The following PTPN9 variants were observed in gnomAD, a reference collection of about 807,000 sequenced individuals.
PTPN9 encodes the protein protein tyrosine phosphatase non-receptor type 9.
In PTPN9, 26 loss-of-function variants were observed where a neutral mutation model predicts 69.8. The ratio of observed to expected loss-of-function variants is 0.37; its 90% confidence interval spans 0.27 to 0.52. The LOEUF is 0.52. PTPN9 is among the 20% of genes least tolerant of loss of function. The probability of loss-of-function intolerance (pLI) is 0.91; values close to 1 mark genes in which losing one functional copy is unlikely to be tolerated. For synonymous variants in PTPN9, 274 were observed against 272.5 expected (o/e 1.01, Z -0.05); for missense variants, 549 against 740.3 (o/e 0.74, Z 3.00).
At chr15:75,568,723 G>A (rs2075136858) in intron 1 of PTPN9, among the ~76,000 whole-genome samples, 3 of 151,520 alleles carry the variant, frequency 2.0e-5, no homozygotes, top group Admixed American at 2.0e-4. Flanking sequence ...TGTAGTTCCA[G>A]CCACTATAGA....
At chr15:75,502,883 T>A (rs1273901701) in intron 7 of PTPN9, among the ~76,000 whole-genome samples, 1 of 152,206 alleles carries the variant, frequency 6.6e-6, no homozygotes, top group Non-Finnish European at 1.5e-5. Context: ...AGGGTTATCC[T>A]GTTGGTACCA....
chr15:75,521,447 G>A (rs1163103190), intron 4 of PTPN9, among the ~76,000 whole-genome samples: 2 of 151,356 alleles, frequency 1.3e-5, no homozygotes, highest in Non-Finnish European at 2.9e-5. Context: ...CCGAGACTCC[G>A]TCTCAAAGGA....
intron 7 of PTPN9, among the ~76,000 whole-genome samples, chr15:75,504,871 G>A (rs1402655656): frequency 4.6e-5 from 7 of 151,320 alleles, no homozygotes; most frequent in East Asian, 2.0e-4. Context: ...CAGCCACCCC[G>A]TCCGGGAGGT....
In PTPN9 at chr15:75,523,067, C is replaced by T. The variant is rs144593265; in HGVS notation, c.422+54G>A. On this transcript the variant is annotated intron_variant, in intron 4 of 12. Coordinates refer to ENST00000618819, the MANE Select transcript of PTPN9 (RefSeq NM_002833.4). ...CTGCTGAATTTAATCAAGTAAAAAA[C>T]TGTCACTTTCCTACCTGCATGTAGA... 247 of 1,596,142 alleles carry T rather than the reference C, an allele frequency of 1.5e-4. 1 individual carries two copies. In the East Asian group the frequency reaches 5.3e-3, roughly 34 times the overall value.
intron 1 of PTPN9, among the ~76,000 whole-genome samples, chr15:75,534,817 A>C (rs979078261): frequency 1.3e-5 from 2 of 151,632 alleles, no homozygotes; most frequent in Non-Finnish European, 2.9e-5. Flanking sequence ...TACTAAGAAA[A>C]CAAAAATTAA....
intron 1 of PTPN9, among the ~76,000 whole-genome samples, chr15:75,530,513 T>C (rs1278500454): frequency 1.2e-5 from 1 of 84,988 alleles, no homozygotes; most frequent in Non-Finnish European, 2.1e-5. Flanking sequence ...TATAATATAT[T>C]ATAATATAAT....
intron 4 of PTPN9, among the ~76,000 whole-genome samples, chr15:75,518,140 G>A (rs2074881246): frequency 6.6e-6 from 1 of 152,098 alleles, no homozygotes; most frequent in Admixed American, 6.6e-5. Context: ...GGGAGGCTAA[G>A]GATGGTGGAT....
chr15:75,575,376 A>G (rs1169217202), intron 1 of PTPN9, among the ~76,000 whole-genome samples: 2 of 152,196 alleles, frequency 1.3e-5, no homozygotes, highest in African/African-American at 2.4e-5. Flanking sequence ...CCTACTTTAA[A>G]TAAGGCTCTA....
intron 4 of PTPN9, among the ~76,000 whole-genome samples, chr15:75,519,525 G>T (rs1180105325): frequency 3.9e-5 from 6 of 152,154 alleles, no homozygotes; most frequent in African/African-American, 1.4e-4. Context: ...TTTCAAAAAT[G>T]TCTAATTCTG....
intron 1 of PTPN9, 139 bp from the exon 2 acceptor site, chr15:75,527,400 C>T (rs2074934206): frequency 1.1e-6 from 1 of 888,944 alleles, no homozygotes; most frequent in Admixed American, 2.8e-5. Context: ...GAAAGACAAA[C>T]AAAAAGGTAG....
chr15:75,493,364 A>G (rs1357226364), intron 7 of PTPN9, among the ~76,000 whole-genome samples: 1 of 152,186 alleles, frequency 6.6e-6, no homozygotes, highest in Non-Finnish European at 1.5e-5. Flanking sequence ...AGCTCTTGGA[A>G]ATTAAAAATA....
At chr15:75,490,755 G>A (rs574825747) in intron 7 of PTPN9, among the ~76,000 whole-genome samples, 1 of 152,264 alleles carries the variant, frequency 6.6e-6, no homozygotes, top group African/African-American at 2.4e-5. Context: ...CTCCTGAGTA[G>A]CTGGGACTAC....
At position 75,470,008 on chromosome 15, in the gene PTPN9, A is replaced by G; in HGVS notation, c.1360-9T>C. On this transcript the variant is annotated splice_polypyrimidine_tract_variant and intron_variant, in intron 11 of 12. Coordinates refer to ENST00000618819, the MANE Select transcript of PTPN9 (RefSeq NM_002833.4). ...TGGCGTTTCTGCCGTTCCTTAGATAAGAAAAGAAGTAAACGTTAACAAGGT... is the reference window on the plus strand; with the variant it reads ...TGGCGTTTCTGCCGTTCCTTAGATAGGAAAAGAAGTAAACGTTAACAAGGT... 1 of 1,602,118 alleles carries G rather than the reference A, an allele frequency of 6.2e-7. No individual in the cohort carries two copies. Among genetic ancestry groups the G allele is most frequent in the Non-Finnish European group, 8.6e-7 (1 of 1,169,238 alleles).
rs1265557854 is a variant in PTPN9, at chr15:75,463,640, T to C, written c.*5129A>G. ...AGGTAAAGAAGGGAGATTTAAACAT[T>C]GTAACAGGTTTCAAGGTGCTAGATT... On this transcript the variant is annotated 3_prime_UTR_variant, in exon 13 of 13. Coordinates refer to ENST00000618819, the MANE Select transcript of PTPN9 (RefSeq NM_002833.4). 1 of 152,182 alleles carries C rather than the reference T, an allele frequency of 6.6e-6. No individual in the cohort carries two copies. Among genetic ancestry groups the C allele is most frequent in the Non-Finnish European group, 1.5e-5 (1 of 68,042 alleles). The allele number at this position is 152,182 out of a possible 1,614,324, so 9.4% of individuals were successfully genotyped here.
intron 1 of PTPN9, among the ~76,000 whole-genome samples, chr15:75,546,272 A>AC (rs779249319): frequency 8.5e-5 from 13 of 152,252 alleles, no homozygotes; most frequent in Non-Finnish European, 1.8e-4. Context: ...ACCCCTTCAA[A>AC]CTTCTCAATA....
At chr15:75,470,128 T>A (rs1292381843) in intron 11 of PTPN9, 129 bp from the exon 12 acceptor site, 3 of 832,024 alleles carry the variant, frequency 3.6e-6, no homozygotes, top group Non-Finnish European at 5.7e-6. Flanking sequence ...ACTGTCAACT[T>A]TTCCCATAAT....
intron 9 of PTPN9, among the ~76,000 whole-genome samples, 188 bp from the exon 10 acceptor site, chr15:75,473,955 T>C (rs1397823191): frequency 2.0e-5 from 3 of 152,104 alleles, no homozygotes; most frequent in Non-Finnish European, 4.4e-5. Flanking sequence ...TGGGAGAGTG[T>C]AAGAAACATG....
At chr15:75,518,839 A>G (rs950648828) in intron 4 of PTPN9, among the ~76,000 whole-genome samples, 1 of 147,964 alleles carries the variant, frequency 6.8e-6, no homozygotes, top group African/African-American at 2.5e-5. Flanking sequence ...AAAAAAAAAA[A>G]GTAAGCCTAT....
intron 1 of PTPN9, among the ~76,000 whole-genome samples, chr15:75,561,983 C>T (rs746969433): frequency 3.3e-5 from 5 of 152,142 alleles, no homozygotes; most frequent in Non-Finnish European, 5.9e-5. Flanking sequence ...GCTGGCATTA[C>T]AGGTGTGAGC....
Sources: allele counts gnomAD v4.1 joint callset (sites outside exome capture counted in the v4.1 genomes callset), GRCh38; gene constraint gnomAD v4.1.1; transcripts MANE v1.5; gene names NCBI Gene and HGNC (gene_info 2026-07-23, HGNC 2026-07-21).